The following TJP1 variants were observed in gnomAD, a reference collection of about 807,000 sequenced individuals.
TJP1 encodes tight junction protein 1, also known as tight junction protein ZO-1.
TJP1 carries 43 observed loss-of-function variants against 194.2 expected under a neutral mutation model. That is an observed-to-expected ratio of 0.22 (90% CI 0.17 to 0.29). TJP1 has a LOEUF of 0.29. TJP1 is among the 10% of genes least tolerant of loss of function. The pLI, the probability that TJP1 is intolerant of heterozygous loss-of-function variation, is 1.00. For synonymous variants in TJP1, 801 were observed against 779.0 expected (o/e 1.03, Z -0.47); for missense variants, 1,971 against 2,185.7 (o/e 0.90, Z 1.96).
intron 2 of TJP1, among the ~76,000 whole-genome samples, chr15:29,863,610 T>C (rs2052180972): frequency 6.6e-6 from 1 of 152,160 alleles, no homozygotes; most frequent in Admixed American, 6.5e-5. Context: ...GTTACCAGCC[T>C]GGCCCTGGTA....
In TJP1 at chr15:29,958,062, T is replaced by C. The variant is rs192276015; in HGVS notation, c.174-1698A>G. Among the ~76,000 whole-genome samples the C allele has an allele frequency of 4.7e-3, 710 of 152,356 alleles. 3 individuals carry two copies. The highest frequency in any genetic ancestry group is 0.031 in the Middle Eastern group (9 of 294). ...TCAATTAATCTATGTCTTTTAGTTTTTGCTTTTTATATTTCAATTGTTTTT... is the reference window on the plus strand; with the variant it reads ...TCAATTAATCTATGTCTTTTAGTTTCTGCTTTTTATATTTCAATTGTTTTT... On this transcript the variant is annotated intron_variant, in intron 1 of 28. Transcript: ENST00000356107.
chr15:29,820,694 A>G lies in TJP1; in HGVS notation c.27+1308T>C, dbSNP rs2050273268. On this transcript the variant is annotated intron_variant, in intron 1 of 27. Transcript: ENST00000614355. ...TTCCTCCTAGGAAAGAAAGCCCCAG[A>G]AAAGACAAATAATGGGAGCTTATTT... 3 of 605,750 alleles carry G rather than the reference A, an allele frequency of 5.0e-6. No homozygotes were observed. In the East Asian group the frequency reaches 8.3e-5, roughly 17 times the overall value. The allele number at this position is 605,750 out of a possible 1,614,324, so 37.5% of individuals were successfully genotyped here.
chr15:29,920,463 C>A (rs1260342020), intron 2 of TJP1, among the ~76,000 whole-genome samples: 1 of 152,162 alleles, frequency 6.6e-6, no homozygotes, highest in African/African-American at 2.4e-5. Flanking sequence ...AAAAGAAAAG[C>A]AAACTGAAGG....
Position 29,822,448 on chromosome 15 carries a change from C to A in TJP1, c.-420G>T. ...ACGCGGCGTCCGCTGGCTCAGCCGGCGCCGGCAACTCAGCGGCCACGCAAA... is the reference window on the plus strand; with the variant it reads ...ACGCGGCGTCCGCTGGCTCAGCCGGAGCCGGCAACTCAGCGGCCACGCAAA... On this transcript the variant is annotated 5_prime_UTR_variant, in exon 1 of 28. Coordinates refer to ENST00000614355, the MANE Select transcript of TJP1 (RefSeq NM_001330239.4). The A allele has an allele frequency of 1.0e-6, 1 of 986,804 alleles. No homozygotes were observed. The highest frequency in any genetic ancestry group is 1.2e-6 in the Non-Finnish European group (1 of 831,024). 61.1% of individuals were successfully genotyped at this position (986,804 alleles called of 1,614,324 possible). A position where few individuals can be genotyped will look rare whatever the true frequency, so the allele number is the denominator to read the frequency against.
chr15:29,703,537 AAAAATGCCTAT>A (rs561177964), intron 27 of TJP1, among the ~76,000 whole-genome samples: 44 of 152,366 alleles, frequency 2.9e-4, no homozygotes, highest in African/African-American at 9.9e-4. Context: ...TTAATAAGGT[AAAAATGCCTAT>A]TTGTGCAGGA....
intron 2 of TJP1, among the ~76,000 whole-genome samples, chr15:29,866,081 T>A (rs958976671): frequency 6.6e-6 from 1 of 152,256 alleles, no homozygotes; most frequent in Non-Finnish European, 1.5e-5. Context: ...AACTTTGATG[T>A]AAATGCAGCT....
intron 2 of TJP1, among the ~76,000 whole-genome samples, chr15:29,855,297 C>T (rs1471101199): frequency 6.6e-6 from 1 of 152,106 alleles, no homozygotes; most frequent in Non-Finnish European, 1.5e-5. Context: ...TCTCAAGATG[C>T]TGACAAGTTT....
intron 2 of TJP1, among the ~76,000 whole-genome samples, chr15:29,884,112 A>G (rs189093568): frequency 2.5e-4 from 38 of 152,308 alleles, no homozygotes; most frequent in East Asian, 2.1e-3. Context: ...TTTTCCTCCT[A>G]TATTATGCAG....
chr15:29,708,512 G>A lies in TJP1; in HGVS notation c.4850+47C>T, dbSNP rs201170333. On this transcript the variant is annotated intron_variant, in intron 25 of 27. Transcript: ENST00000614355. Reference sequence around the variant, plus strand: ...CAAATAAACTACAACAAACTCACATGAGAAAAATCACAGGGCCAATGCTTT... The same window carrying A: ...CAAATAAACTACAACAAACTCACATAAGAAAAATCACAGGGCCAATGCTTT... 4.5e-5 allele frequency: 65 copies of A among 1,454,262 alleles called. No individual in the cohort carries two copies. In the Middle Eastern group the frequency reaches 7.6e-4, roughly 17 times the overall value. 90.1% of individuals were successfully genotyped at this position (1,454,262 alleles called of 1,614,324 possible). A position where few individuals can be genotyped will look rare whatever the true frequency, so the allele number is the denominator to read the frequency against.
At chr15:29,903,439 G>A (rs935493412) in intron 2 of TJP1, among the ~76,000 whole-genome samples, 1 of 151,928 alleles carries the variant, frequency 6.6e-6, no homozygotes, top group Non-Finnish European at 1.5e-5. Context: ...CAATCTTACC[G>A]AGTTTCAGAA....
intron 2 of TJP1, among the ~76,000 whole-genome samples, chr15:29,933,211 CATCA>C (rs1222322329): frequency 6.6e-6 from 1 of 152,064 alleles, no homozygotes; most frequent in Non-Finnish European, 1.5e-5. Flanking sequence ...TGATGACATC[CATCA>C]GTCAGTAGAT....
chr15:29,806,584 T>G (rs1397770779), intron 1 of TJP1, among the ~76,000 whole-genome samples: 1 of 152,178 alleles, frequency 6.6e-6, no homozygotes, highest in Non-Finnish European at 1.5e-5. Context: ...CCTTCTGAAC[T>G]CCAAAGTGTT....
intron 2 of TJP1, among the ~76,000 whole-genome samples, chr15:29,781,806 T>C (rs1448864563): frequency 6.6e-6 from 1 of 152,158 alleles, no homozygotes; most frequent in Admixed American, 6.5e-5. Context: ...GCATTGAAAT[T>C]GAAGGAACAC....
intron 2 of TJP1, among the ~76,000 whole-genome samples, chr15:29,940,524 T>G (rs1270990288): frequency 6.6e-6 from 1 of 152,244 alleles, no homozygotes; most frequent in African/African-American, 2.4e-5. Context: ...GAATGGTATC[T>G]GTTTCAAGAC....
chr15:29,892,530 A>G (rs941157637), intron 2 of TJP1, among the ~76,000 whole-genome samples: 2 of 152,224 alleles, frequency 1.3e-5, no homozygotes, highest in South Asian at 2.1e-4. Flanking sequence ...CCTGGCTTCA[A>G]AGCTTCAAAG....
At chr15:29,890,016 C>T (rs754925799) in intron 2 of TJP1, among the ~76,000 whole-genome samples, 28 of 152,180 alleles carry the variant, frequency 1.8e-4, no homozygotes, top group Non-Finnish European at 2.8e-4. Flanking sequence ...TTGCCTTTCC[C>T]GCCAGCTTCA....
chr15:29,743,940 G>A (rs539481695), intron 8 of TJP1, among the ~76,000 whole-genome samples: 1 of 152,184 alleles, frequency 6.6e-6, no homozygotes, highest in African/African-American at 2.4e-5. Context: ...CAGCATTTTG[G>A]GAGGCAGAGG....
rs190043550 is a variant in TJP1 at position 29,727,280 on chromosome 15, G to A, written c.2101-289C>T. 7.9e-4 allele frequency among the ~76,000 whole-genome samples: 120 copies of A among 151,672 alleles called. 3 individuals carry two copies. Among genetic ancestry groups the A allele is most frequent in the Non-Finnish European group, 7.7e-4 (52 of 67,852 alleles). ...AATCACTTGAACCTGAGAGGTAGAG[G>A]CTACAGTGAGCCGAGATCACGCCAC... On this transcript the variant is annotated intron_variant, in intron 16 of 27. Transcript: ENST00000614355.
intron 19 of TJP1, 95 bp from the exon 20 acceptor site, chr15:29,720,111 T>G: frequency 5.5e-6 from 8 of 1,464,474 alleles, no homozygotes; most frequent in Non-Finnish European, 6.4e-6. Flanking sequence ...ACATTTTAAG[T>G]GTGCTGAATA....
Sources: gnomAD v4.1 joint callset for allele counts (sites outside exome capture counted in the v4.1 genomes callset) on GRCh38, gnomAD v4.1.1 for gene constraint, MANE v1.5 for transcripts, NCBI Gene and HGNC (gene_info 2026-07-23, HGNC 2026-07-21) for gene names.